TIAM1: variants seen among roughly 807,000 people sequenced by gnomAD.
The protein encoded by TIAM1 is TIAM Rac1 associated GEF 1, also known as rho guanine nucleotide exchange factor TIAM1.
A neutral mutation model predicts 163.5 loss-of-function variants in TIAM1; 65 were observed. The observed-to-expected ratio is 0.40, with a 90% confidence interval of 0.33 to 0.49. The LOEUF is 0.49. TIAM1 is among the 20% of genes least tolerant of loss of function. TIAM1 has a pLI of 0.77. For synonymous variants in TIAM1, 833 were observed against 810.1 expected, an observed-to-expected ratio of 1.03 and a Z score of -0.48; for missense variants, 1,789 against 2,044.7, an observed-to-expected ratio of 0.87 and a Z score of 2.41.
In TIAM1 at chr21:31,315,330, C is replaced by T. The variant is rs4816394; in HGVS notation, c.-189+23913G>A. Among the ~76,000 whole-genome samples the T allele has an allele frequency of 2.8e-3, 423 of 151,158 alleles. 10 individuals carry two copies. Among genetic ancestry groups the T allele is most frequent in the Admixed American group, 0.016 (242 of 15,192 alleles). On this transcript the variant is annotated intron_variant, in intron 2 of 27. Coordinates refer to ENST00000541036, the MANE Select transcript of TIAM1 (RefSeq NM_001353694.2). ...GAGATCGAGACCATCCTGGCTAACA[C>T]GGTGAAACCCCTTCTCTACTAAAAA...
chr21:31,188,361 G>A (rs553450461), intron 13 of TIAM1, among the ~76,000 whole-genome samples: 17 of 152,170 alleles, frequency 1.1e-4, no homozygotes, highest in Non-Finnish European at 2.2e-4. Context: ...AAGCCCTGCT[G>A]AAATCAAAAT....
intron 2 of TIAM1, among the ~76,000 whole-genome samples, chr21:31,405,766 CCA>C (rs2077236457): frequency 6.6e-6 from 1 of 152,150 alleles, no homozygotes; most frequent in Admixed American, 6.6e-5. Flanking sequence ...TGGGTCCCTC[CCA>C]CAACACATGG....
chr21:31,120,590 G>A lies in TIAM1; in HGVS notation c.4554C>T (p.Ala1518=). ...DDEFCESVKG[A]SVDRDLQERL... Reference sequence around the variant, plus strand: ...GCTCCTGCAGGTCTCTGTCCACTGAGGCACCCTTCACGGACTCACAGAACT... The same window carrying A: ...GCTCCTGCAGGTCTCTGTCCACTGAAGCACCCTTCACGGACTCACAGAACT... The change falls in exon 28 of 28, where the codon GCC becomes GCT. Residue 1518 remains alanine, a synonymous_variant. Coordinates refer to ENST00000541036, the MANE Select transcript of TIAM1 (RefSeq NM_001353694.2). This position sits in a 1 kb window ranked among gnomAD's most constrained non-coding sequence, Gnocchi z 4.2. 1 of 1,614,176 alleles carries A rather than the reference G, an allele frequency of 6.2e-7. No homozygotes were observed. Among genetic ancestry groups the A allele is most frequent in the Non-Finnish European group, 8.5e-7 (1 of 1,180,046 alleles).
At chr21:31,203,634 A>T (rs2086313076) in intron 11 of TIAM1, among the ~76,000 whole-genome samples, 1 of 152,092 alleles carries the variant, frequency 6.6e-6, no homozygotes, top group African/African-American at 2.4e-5. Flanking sequence ...TTTTCAACAC[A>T]ACACAGCAGA....
chr21:31,266,899 T>G lies in TIAM1; in HGVS notation c.74A>C (p.His25Pro). Residue 25 changes from histidine to proline, a missense_variant, in exon 4 of 28, where the codon CAC becomes CCC. Transcript: ENST00000541036. ...CGAGAGGCGCAGGGAGCGGGAAGTGTGCTTGCGCCCCAGGCTGGCATGCTT... is the reference window on the plus strand; with the variant it reads ...CGAGAGGCGCAGGGAGCGGGAAGTGGGCTTGCGCCCCAGGCTGGCATGCTT... ...GEKHASLGRK[H>P]TSRSLRLSHK... 6.2e-7 allele frequency: 1 copy of G among 1,613,526 alleles called. No individual in the cohort carries two copies. The highest frequency in any genetic ancestry group is 1.7e-5 in the Admixed American group (1 of 60,012).
Position 31,120,291 on chromosome 21 carries a change from T to C in TIAM1, c.*77A>G. Reference sequence around the variant, plus strand: ...AGAGCGCGACCTAAGGGGACATTCTTGTCGACGGTACAGGAGGGTGGGCAG... The same window carrying C: ...AGAGCGCGACCTAAGGGGACATTCTCGTCGACGGTACAGGAGGGTGGGCAG... On this transcript the variant is annotated 3_prime_UTR_variant, in exon 28 of 28. Transcript: ENST00000541036. This position sits in a 1 kb window ranked among gnomAD's most constrained non-coding sequence, Gnocchi z 4.2. 7.0e-7 allele frequency: 1 copy of C among 1,419,910 alleles called. No individual in the cohort carries two copies. Among genetic ancestry groups the C allele is most frequent in the Non-Finnish European group, 9.5e-7 (1 of 1,055,704 alleles). The allele number at this position is 1,419,910 out of a possible 1,614,324, so 88.0% of individuals were successfully genotyped here.
chr21:31,216,296 G>C (rs970324856), intron 9 of TIAM1, among the ~76,000 whole-genome samples: 2 of 152,138 alleles, frequency 1.3e-5, no homozygotes, highest in African/African-American at 4.8e-5. Context: ...GGCTGGAACT[G>C]TCCGAGCAAA....
intron 2 of TIAM1, among the ~76,000 whole-genome samples, chr21:31,282,780 C>T (rs955284279): frequency 4.6e-5 from 7 of 152,178 alleles, no homozygotes; most frequent in Non-Finnish European, 8.8e-5. Flanking sequence ...GTTTTAGCCC[C>T]ACCATATTTC....
intron 1 of TIAM1, among the ~76,000 whole-genome samples, chr21:31,503,613 G>GGGGAGA (rs2046934292): frequency 1.7e-5 from 2 of 116,680 alleles, no homozygotes; most frequent in Non-Finnish European, 3.7e-5. Flanking sequence ...GGGGAGGGGA[G>GGGGAGA]GGACCTGAAA....
intron 1 of TIAM1, among the ~76,000 whole-genome samples, chr21:31,508,821 C>T (rs2047117912): frequency 6.6e-6 from 1 of 152,122 alleles, no homozygotes; most frequent in Non-Finnish European, 1.5e-5. Flanking sequence ...AAGGTTCCCA[C>T]GGAGTCTTTT....
chr21:31,431,561 A>G (rs181417331), intron 2 of TIAM1, among the ~76,000 whole-genome samples: 3 of 152,360 alleles, frequency 2.0e-5, no homozygotes, highest in Admixed American at 1.3e-4. Context: ...AAGATTGGTC[A>G]GAAATCATTT....
chr21:31,543,383 A>C (rs1250612461), intron 1 of TIAM1, among the ~76,000 whole-genome samples: 1 of 152,234 alleles, frequency 6.6e-6, no homozygotes, highest in Non-Finnish European at 1.5e-5. Context: ...AGTTTATCCA[A>C]ACACAGGCCA....
chr21:31,289,056 C>G (rs2073917852), intron 2 of TIAM1, among the ~76,000 whole-genome samples: 1 of 152,216 alleles, frequency 6.6e-6, no homozygotes, highest in African/African-American at 2.4e-5. Flanking sequence ...TGCAATATAT[C>G]TGCAATGCAT....
chr21:31,492,022 A>C (rs2046484140), intron 1 of TIAM1, among the ~76,000 whole-genome samples: 1 of 151,978 alleles, frequency 6.6e-6, no homozygotes, highest in Non-Finnish European at 1.5e-5. Flanking sequence ...CTACATAAGC[A>C]TTAAAAATAA....
intron 1 of TIAM1, among the ~76,000 whole-genome samples, chr21:31,522,870 A>G (rs1441454019): frequency 6.6e-6 from 1 of 152,218 alleles, no homozygotes; most frequent in African/African-American, 2.4e-5. Context: ...ACTTATTCTC[A>G]TATCTAACAC....
At chr21:31,323,301 A>G (rs1231102320) in intron 2 of TIAM1, among the ~76,000 whole-genome samples, 5 of 151,348 alleles carry the variant, frequency 3.3e-5, no homozygotes, top group African/African-American at 1.2e-4. Flanking sequence ...AAAAAAAAAA[A>G]GAAAGAAAGT....
At chr21:31,210,534 A>AAAAG (rs1214068044) in intron 10 of TIAM1, among the ~76,000 whole-genome samples, 7,437 of 55,512 alleles carry the variant, frequency 0.13, 810 homozygotes, top group South Asian at 0.17. Flanking sequence ...GGAAGGAAGG[A>AAAAG]AAAGAAAGAA....
chr21:31,149,279 G>A (rs1218421808), intron 19 of TIAM1, among the ~76,000 whole-genome samples: 1 of 152,216 alleles, frequency 6.6e-6, no homozygotes, highest in East Asian at 1.9e-4. Context: ...AAGTACTTCA[G>A]ATTTCATATT....
chr21:31,237,022 C>T (rs1357195278), intron 6 of TIAM1, among the ~76,000 whole-genome samples: 1 of 152,130 alleles, frequency 6.6e-6, no homozygotes, highest in African/African-American at 2.4e-5. Context: ...AGAGAAATGG[C>T]AAGACTCACC....
Sources: gnomAD v4.1 joint callset for allele counts (sites outside exome capture counted in the v4.1 genomes callset) on GRCh38, gnomAD v4.1.1 for gene constraint, Gnocchi (gnomAD v3.1) non-coding constraint, MANE v1.5 for transcripts, NCBI Gene and HGNC (gene_info 2026-07-23, HGNC 2026-07-21) for gene names.